Variants in ZNF844 observed in about 807,000 individuals in gnomAD.
ZNF844 encodes zinc finger protein 844.
ZNF844 carries 11 observed loss-of-function variants against 11.4 expected under a neutral mutation model. The ratio of observed to expected loss-of-function variants is 0.97; its 90% CI spans 0.61 to 1.60. The LOEUF is 1.60. Ranked by LOEUF, ZNF844 falls within the 40% of genes most tolerant of loss-of-function variation. The pLI, the probability that ZNF844 is intolerant of heterozygous loss-of-function variation, is 0.00. For missense variants in ZNF844, 790 were observed against 796.8 expected, an observed-to-expected ratio of 0.99 and a Z score of 0.10; for synonymous variants, 248 against 260.3, an observed-to-expected ratio of 0.95 and a Z score of 0.46.
chr19:12,069,972 AG>A (rs1975736075), intron 1 of ZNF844, among the ~76,000 whole-genome samples: 1 of 149,802 alleles, frequency 6.7e-6, no homozygotes, highest in African/African-American at 2.5e-5. Flanking sequence ...AAAAAAAAAA[AG>A]AGGCCGGGCG....
At chr19:12,073,590 A>G (rs569165413) in intron 1 of ZNF844, among the ~76,000 whole-genome samples, 2 of 151,564 alleles carry the variant, frequency 1.3e-5, no homozygotes, top group Non-Finnish European at 2.9e-5. Context: ...CTGCTGCTTC[A>G]ATCAGAATAA....
chr19:12,074,792 C>T (rs1270991660), intron 3 of ZNF844, among the ~76,000 whole-genome samples: 1 of 152,148 alleles, frequency 6.6e-6, no homozygotes, highest in East Asian at 1.9e-4. Context: ...TTCAAGGGTG[C>T]TGTGAACCAT....
At chr19:12,071,901 T>C (rs1599399439) in intron 1 of ZNF844, among the ~76,000 whole-genome samples, 1 of 151,780 alleles carries the variant, frequency 6.6e-6, no homozygotes, top group East Asian at 1.9e-4. Context: ...TTTTTTTGTT[T>C]GTTTGAGATG....
chr19:12,075,750 C>G lies in ZNF844; in HGVS notation c.630C>G (p.Ser210Arg). ...KFCGKACPCL[S>R]IYLIHERVHT... ...GTGGGAAAGCCTGCCCTTGTCTCAG[C>G]ATATATCTTATACATGAACGAGTTC... is the stretch of plus-strand genomic sequence containing the variant. Residue 210 changes from serine to arginine, a missense_variant, in exon 4 of 4, where the codon AGC becomes AGG. Ser to Arg is a moderately radical substitution (Grantham distance 110). Coordinates refer to ENST00000439326, the MANE Select transcript of ZNF844 (RefSeq NM_001136501.3). 6.2e-7 allele frequency: 1 copy of G among 1,613,908 alleles called. No individual in the cohort carries two copies. Among genetic ancestry groups the G allele is most frequent in the African/African-American group, 1.3e-5 (1 of 75,038 alleles).
At chr19:12,067,958 A>AGG (rs879923038) in intron 1 of ZNF844, among the ~76,000 whole-genome samples, 45,040 of 116,776 alleles carry the variant, frequency 0.39, 11,354 homozygotes, top group East Asian at 0.56. Flanking sequence ...GAAAGAAGGA[A>AGG]AGAAGGAAGG....
rs1189497419 is a variant in ZNF844 at position 12,064,783 on chromosome 19, G to A, written c.-91G>A. 1 of 1,448,236 alleles carries A rather than the reference G, an allele frequency of 6.9e-7. No individual in the cohort carries two copies. The highest frequency in any genetic ancestry group is 9.4e-7 in the Non-Finnish European group (1 of 1,067,634). The allele number at this position is 1,448,236 out of a possible 1,614,324, so 89.7% of individuals were successfully genotyped here. ...GTTGGCACCCCGTTTTTCCTGCTCT[G>A]AGAGGGACCGGTTGCCACCGCCATA... is the stretch of plus-strand genomic sequence containing the variant. On this transcript the variant is annotated 5_prime_UTR_variant, in exon 1 of 4. Transcript: ENST00000439326.
chr19:12,066,220 T>A (rs547038995), intron 1 of ZNF844, among the ~76,000 whole-genome samples: 2 of 151,686 alleles, frequency 1.3e-5, no homozygotes, highest in African/African-American at 4.8e-5. Flanking sequence ...GCCACCGAAC[T>A]CGGCCAGGGG....
chr19:12,074,215 A>G, intron 2 of ZNF844, 58 bp downstream of exon 2: 3 of 1,604,852 alleles, frequency 1.9e-6, no homozygotes, highest in Non-Finnish European at 2.6e-6. Context: ...TAGCTCATTA[A>G]TGCTATTCCT....
rs1258068901 is a variant in ZNF844, at chr19:12,077,783, A to G, written c.*662A>G. 8.7e-6 allele frequency: 3 copies of G among 346,138 alleles called. No individual in the cohort carries two copies. The highest frequency in any genetic ancestry group is 6.5e-5 in the African/African-American group (3 of 46,468). 21.4% of individuals were successfully genotyped at this position (346,138 alleles called of 1,614,324 possible). A position where few individuals can be genotyped will look rare whatever the true frequency, so the allele number is the denominator to read the frequency against. On this transcript the variant is annotated 3_prime_UTR_variant, in exon 4 of 4. Coordinates refer to ENST00000439326, the MANE Select transcript of ZNF844 (RefSeq NM_001136501.3). ...ACCTTCAAATACAGACAATGAATGT[A>G]AACAATTAAATGTTTATAGCAGCTG...
In ZNF844 at chr19:12,077,220, A is replaced by G; in HGVS notation, c.*99A>G. Reference sequence around the variant, plus strand: ...CACTGGAGAGAAACCCTATGAGTGTAAGCAGTGTGGTAAAGCCTTCATTTC... The same window carrying G: ...CACTGGAGAGAAACCCTATGAGTGTGAGCAGTGTGGTAAAGCCTTCATTTC... On this transcript the variant is annotated 3_prime_UTR_variant, in exon 4 of 4. Transcript: ENST00000439326. 6.3e-7 allele frequency: 1 copy of G among 1,584,846 alleles called. No homozygotes were observed. Among genetic ancestry groups the G allele is most frequent in the Non-Finnish European group, 8.6e-7 (1 of 1,157,054 alleles).
chr19:12,067,876 C>T (rs1399776650), intron 1 of ZNF844, among the ~76,000 whole-genome samples: 4 of 146,860 alleles, frequency 2.7e-5, no homozygotes. Context: ...CGCGCCACTG[C>T]ACTCCAGCCT....
chr19:12,080,415 C>T lies in ZNF844; in HGVS notation c.*3294C>T. On this transcript the variant is annotated 3_prime_UTR_variant, in exon 4 of 4. Coordinates refer to ENST00000439326, the MANE Select transcript of ZNF844 (RefSeq NM_001136501.3). ...ATTTAGAAATGGAGTTGGAGGATGT[C>T]ATAATACAATTCACCAGTGTCCTAT... 2.7e-6 allele frequency: 1 copy of T among 374,884 alleles called. No homozygotes were observed. The highest frequency in any genetic ancestry group is 1.9e-5 in the South Asian group (1 of 51,478). 23.2% of individuals were successfully genotyped at this position (374,884 alleles called of 1,614,324 possible).
intron 1 of ZNF844, among the ~76,000 whole-genome samples, chr19:12,065,639 T>A (rs990200353): frequency 3.4e-5 from 5 of 146,708 alleles, no homozygotes; most frequent in African/African-American, 1.3e-4. Flanking sequence ...TCTTACAATT[T>A]TTTTTTTTTT....
chr19:12,066,620 C>G (rs2145540694), intron 1 of ZNF844, among the ~76,000 whole-genome samples: 1 of 146,204 alleles, frequency 6.8e-6, no homozygotes, highest in Non-Finnish European at 1.5e-5. Flanking sequence ...GATCTCGGCT[C>G]ACTGCAAGCT....
At chr19:12,067,643 G>A (rs1599397454) in intron 1 of ZNF844, among the ~76,000 whole-genome samples, 2 of 146,682 alleles carry the variant, frequency 1.4e-5, no homozygotes, top group African/African-American at 2.5e-5. Flanking sequence ...AAGGCCGGGC[G>A]CGGTGGCTCA....
At chr19:12,072,755 T>C (rs956941518) in intron 1 of ZNF844, among the ~76,000 whole-genome samples, 2 of 151,952 alleles carry the variant, frequency 1.3e-5, no homozygotes, top group Non-Finnish European at 2.9e-5. Context: ...GGCTAATTTT[T>C]TGTATTTTTA....
intron 2 of ZNF844, 79 bp from the exon 3 acceptor site, chr19:12,074,282 G>A: frequency 3.3e-6 from 5 of 1,512,818 alleles, no homozygotes; most frequent in Non-Finnish European, 3.6e-6. Flanking sequence ...TGGCTCTAAT[G>A]TCCCGTGAAC....
chr19:12,070,780 T>C (rs1382862830), intron 1 of ZNF844, among the ~76,000 whole-genome samples: 1 of 152,130 alleles, frequency 6.6e-6, no homozygotes, highest in Non-Finnish European at 1.5e-5. Flanking sequence ...ATAGGACAAT[T>C]TAATATGGGA....
chr19:12,079,812 G>A lies in ZNF844; in HGVS notation c.*2691G>A, dbSNP rs1359991609. 3 of 152,408 alleles carry A rather than the reference G, an allele frequency of 2.0e-5. No individual in the cohort carries two copies. The highest frequency in any genetic ancestry group is 7.2e-5 in the African/African-American group (3 of 41,418). 9.4% of individuals were successfully genotyped at this position (152,408 alleles called of 1,614,324 possible). The stretch of plus-strand genomic sequence containing the variant: ...ATACAAAAAATTAGATGGGCATGGT[G>A]GCACATGCCTGTAATCCCAGCTACA... On this transcript the variant is annotated 3_prime_UTR_variant, in exon 4 of 4. Transcript: ENST00000439326.
Sources: gnomAD v4.1 joint callset for allele counts (sites outside exome capture counted in the v4.1 genomes callset) on GRCh38, gnomAD v4.1.1 for gene constraint, MANE v1.5 for transcripts, NCBI Gene and HGNC (gene_info 2026-07-23, HGNC 2026-07-21) for gene names.